The following PTPRQ variants were observed in gnomAD, a reference collection of about 807,000 sequenced individuals.
PTPRQ encodes the protein phosphatidylinositol phosphatase PTPRQ.
PTPRQ carries 199 observed loss-of-function variants against 246.0 expected under a neutral mutation model. The observed-to-expected ratio is 0.81, with a 90% CI of 0.72 to 0.91. The LOEUF is 0.91. Ranked by LOEUF, PTPRQ falls within the 40% of genes least tolerant of loss-of-function variation. The pLI, the probability that PTPRQ is intolerant of heterozygous loss-of-function variation, is 0.00. For missense variants in PTPRQ, 2,624 were observed against 2,528.4 expected, an observed-to-expected ratio of 1.04 and a Z score of -0.81; for synonymous variants, 869 against 853.2, an observed-to-expected ratio of 1.02 and a Z score of -0.32.
At chr12:80,445,823 G>A (rs1310577266) in intron 3 of PTPRQ, 106 bp downstream of exon 3, 2 of 751,592 alleles carry the variant, frequency 2.7e-6, no homozygotes, top group Non-Finnish European at 4.5e-6. Context: ...AATACAGTCA[G>A]TGACTGACAA....
intron 25 of PTPRQ, among the ~76,000 whole-genome samples, chr12:80,567,897 C>T (rs1897027076): frequency 6.6e-6 from 1 of 152,098 alleles, no homozygotes; most frequent in African/African-American, 2.4e-5. Flanking sequence ...ACATTTCATT[C>T]TCAGCAGAAT....
At chr12:80,657,853 CT>C in intron 38 of PTPRQ, 131 bp from the exon 39 acceptor site, 1 of 558,974 alleles carries the variant, frequency 1.8e-6, no homozygotes. Flanking sequence ...GAAGAAATAA[CT>C]TTTTAAAATT....
chr12:80,523,453 T>C (rs1895575770), intron 17 of PTPRQ, among the ~76,000 whole-genome samples: 1 of 152,332 alleles, frequency 6.6e-6, no homozygotes, highest in African/African-American at 2.4e-5. Context: ...TTGATTGTGA[T>C]GTTAGGGTGT....
At chr12:80,468,659 C>G in intron 6 of PTPRQ, 51 bp from the exon 7 acceptor site, 1 of 1,443,902 alleles carries the variant, frequency 6.9e-7, no homozygotes, top group South Asian at 1.6e-5. Context: ...TAATAGGGTG[C>G]GCTTTCATTT....
intron 22 of PTPRQ, 87 bp from the exon 23 acceptor site, chr12:80,542,643 A>G: frequency 7.4e-7 from 1 of 1,352,918 alleles, no homozygotes; most frequent in African/African-American, 1.5e-5. Context: ...ATCTTTTTAA[A>G]CTAGTGTCTT....
chr12:80,658,722 C>G (rs1047575231), intron 39 of PTPRQ, among the ~76,000 whole-genome samples: 1 of 151,958 alleles, frequency 6.6e-6, no homozygotes, highest in Admixed American at 6.6e-5. Context: ...AGTTATGTCT[C>G]TTTATATTCT....
chr12:80,644,619 A>G (rs1900003952), intron 35 of PTPRQ, among the ~76,000 whole-genome samples: 1 of 152,060 alleles, frequency 6.6e-6, no homozygotes. Context: ...TCTAGTGCTT[A>G]TTTAAGCAAA....
chr12:80,602,949 G>A (rs1239274432), intron 26 of PTPRQ, among the ~76,000 whole-genome samples: 1 of 151,650 alleles, frequency 6.6e-6, no homozygotes, highest in Non-Finnish European at 1.5e-5. Flanking sequence ...CCATTTGCCA[G>A]ATAGGCCTCT....
chr12:80,477,428 A>G (rs966165136), intron 8 of PTPRQ, among the ~76,000 whole-genome samples: 1 of 152,172 alleles, frequency 6.6e-6, no homozygotes, highest in African/African-American at 2.4e-5. Context: ...ATTTTTATTA[A>G]TTAATTTGTT....
At chr12:80,514,653 A>G (rs1054590600) in intron 17 of PTPRQ, among the ~76,000 whole-genome samples, 23 of 144,360 alleles carry the variant, frequency 1.6e-4, no homozygotes, top group African/African-American at 5.5e-4. Flanking sequence ...TATTTTGTAT[A>G]CAAAATATAT....
rs991191924 is a variant in PTPRQ, at chr12:80,460,699, C to A, written c.707C>A (p.Thr236Asn). The change falls in exon 6 of 45, where the codon ACC becomes AAC. Residue 236 changes from threonine to asparagine, a missense_variant. Transcript: ENST00000644991. ...FLWSTASPSP[T>N]LGRVTPPSRT... is the part of the protein sequence containing the mutation. Reference sequence around the variant, plus strand: ...TGGAGTACAGCCAGCCCTTCTCCAACCCTTGGTAGAGTTACACCTCCATCG... The same window carrying A: ...TGGAGTACAGCCAGCCCTTCTCCAAACCTTGGTAGAGTTACACCTCCATCG... The A allele has an allele frequency of 4.0e-5, 16 of 399,162 alleles. No individual in the cohort carries two copies. Among genetic ancestry groups the A allele is most frequent in the Admixed American group, 4.4e-5 (1 of 22,706 alleles). 24.7% of individuals were successfully genotyped at this position (399,162 alleles called of 1,614,324 possible). A position where few individuals can be genotyped will look rare whatever the true frequency, so the allele number is the denominator to read the frequency against.
intron 35 of PTPRQ, among the ~76,000 whole-genome samples, chr12:80,645,723 G>A (rs12303594): frequency 9.1e-4 from 139 of 151,978 alleles, no homozygotes; most frequent in African/African-American, 3.2e-3. Context: ...AAGATCGATA[G>A]GGTTGTTAAC....
chr12:80,524,398 G>A (rs1331178973), intron 17 of PTPRQ, among the ~76,000 whole-genome samples: 2 of 151,978 alleles, frequency 1.3e-5, no homozygotes, highest in African/African-American at 2.4e-5. Flanking sequence ...TGCCATGATT[G>A]TGAGGCCTCC....
In PTPRQ at chr12:80,495,337, G is replaced by T. The variant is rs928009656; in HGVS notation, c.1848G>T (p.Gln616His). ...AATTGGATACAAACAGAGCATTCCA[G>T]ATAACTACCATAGATAACAGCTTTC... ...AMELDTNRAFQITTIDNSFLI... is the reference protein window; with the variant it reads ...AMELDTNRAFHITTIDNSFLI... Residue 616 changes from glutamine (Q) to histidine (H), a missense_variant, in exon 12 of 45, where the codon CAG becomes CAT. Transcript: ENST00000644991. 1 of 1,530,284 alleles carries T rather than the reference G, an allele frequency of 6.5e-7. No homozygotes were observed. The highest frequency in any genetic ancestry group is 1.4e-5 in the African/African-American group (1 of 71,570). The allele number at this position is 1,530,284 out of a possible 1,614,324, so 94.8% of individuals were successfully genotyped here.
chr12:80,674,863 G>A (rs1223790942), intron 43 of PTPRQ, among the ~76,000 whole-genome samples: 2 of 152,042 alleles, frequency 1.3e-5, no homozygotes, highest in African/African-American at 2.4e-5. Context: ...CTGATTACAT[G>A]TTGTTATTTT....
intron 3 of PTPRQ, among the ~76,000 whole-genome samples, chr12:80,456,927 A>G (rs988823430): frequency 1.3e-5 from 2 of 152,162 alleles, no homozygotes; most frequent in African/African-American, 4.8e-5. Context: ...GCTCAAAGCT[A>G]CTATCTGGGA....
intron 25 of PTPRQ, among the ~76,000 whole-genome samples, chr12:80,560,653 A>G (rs1896795989): frequency 6.6e-6 from 1 of 152,254 alleles, no homozygotes; most frequent in South Asian, 2.1e-4. Context: ...ATACACATAC[A>G]TACAACACAG....
At chr12:80,525,541 C>T (rs776778947) in intron 17 of PTPRQ, among the ~76,000 whole-genome samples, 73 of 152,096 alleles carry the variant, frequency 4.8e-4, no homozygotes, top group African/African-American at 1.5e-3. Flanking sequence ...GCGAGTGCAG[C>T]GGAAAGCCCG....
At chr12:80,598,806 T>C (rs1298649145) in intron 26 of PTPRQ, among the ~76,000 whole-genome samples, 1 of 152,018 alleles carries the variant, frequency 6.6e-6, no homozygotes. Context: ...TTTTCTGTTT[T>C]GTAAGTTGAT....
Sources: allele counts gnomAD v4.1 joint callset (sites outside exome capture counted in the v4.1 genomes callset), GRCh38; gene constraint gnomAD v4.1.1; transcripts MANE v1.5; gene names NCBI Gene and HGNC (gene_info 2026-07-23, HGNC 2026-07-21).